The following RPGRIP1 variants were observed in gnomAD, a reference collection of about 807,000 sequenced individuals.
RPGRIP1 encodes X-linked retinitis pigmentosa GTPase regulator-interacting protein 1.
RPGRIP1 carries 128 observed loss-of-function variants against 157.9 expected under a neutral mutation model. That is an observed-to-expected ratio of 0.81 (90% CI 0.70 to 0.94). The LOEUF is 0.94. RPGRIP1 is among the 40% of genes least tolerant of loss of function. The pLI is 0.00. For synonymous variants in RPGRIP1, 554 were observed against 571.6 expected (o/e 0.97, Z 0.44); for missense variants, 1,486 against 1,545.8 (o/e 0.96, Z 0.65).
At chr14:21,286,474 G>C (rs1594368367) in intron 1 of RPGRIP1, among the ~76,000 whole-genome samples, 1 of 149,686 alleles carries the variant, frequency 6.7e-6, no homozygotes, top group South Asian at 2.1e-4. Flanking sequence ...GAGATATCTA[G>C]TAGCCATGCC....
At chr14:21,286,231 T>C (rs2139129967) in intron 1 of RPGRIP1, among the ~76,000 whole-genome samples, 3 of 151,828 alleles carry the variant, frequency 2.0e-5, no homozygotes, top group African/African-American at 7.3e-5. Context: ...CCTCGGGCGA[T>C]CCGCCCGCCT....
intron 11 of RPGRIP1, among the ~76,000 whole-genome samples, chr14:21,319,084 A>T (rs1311190921): frequency 6.6e-6 from 1 of 152,210 alleles, no homozygotes; most frequent in African/African-American, 2.4e-5. Context: ...ACGGAAGGAA[A>T]AGAAATGTGT....
At chr14:21,288,609 G>A (rs1880394000) in intron 2 of RPGRIP1, among the ~76,000 whole-genome samples, 1 of 151,636 alleles carries the variant, frequency 6.6e-6, no homozygotes. Context: ...ATGCCTCCCG[G>A]GTTCAAGCAG....
In RPGRIP1 at chr14:21,336,309, C is replaced by A. The variant is rs561712957; in HGVS notation, c.3339+1604C>A. ...CAGCACTTTGGGAAACTGAGGCAGG[C>A]AGATTGCTTGAGGCCAGGAATCAAG... On this transcript the variant is annotated intron_variant, in intron 21 of 24. Transcript: ENST00000400017. Among the ~76,000 whole-genome samples, 8 of 152,250 alleles carry A rather than the reference C, an allele frequency of 5.3e-5. No homozygotes were observed. The East Asian group carries it at 1.4e-3, about 26-fold the overall frequency.
At chr14:21,332,244 G>A (rs377252744) in intron 20 of RPGRIP1, among the ~76,000 whole-genome samples, 8 of 152,162 alleles carry the variant, frequency 5.3e-5, no homozygotes, top group African/African-American at 1.9e-4. Context: ...TGGCCTAAAA[G>A]TATAATTTTT....
In RPGRIP1 at chr14:21,302,502, C is replaced by A. The variant is rs1881075996; in HGVS notation, c.505C>A (p.Leu169Met). Residue 169 changes from leucine to methionine, a missense_variant, in exon 5 of 25, where the codon CTG becomes ATG. By Grantham distance (15) the Leu-to-Met change is conservative (BLOSUM62 2). Coordinates refer to ENST00000400017, the MANE Select transcript of RPGRIP1 (RefSeq NM_020366.4). ...TAAACTTTTAGGGCCAAGGGACAGG[C>A]TGAGCTACACAGCCCCTCCATCGTT... ...EKPKRGPRDR[L>M]SYTAPPSFKE... 7 of 1,564,460 alleles carry A rather than the reference C, an allele frequency of 4.5e-6. No homozygotes were observed. Among genetic ancestry groups the A allele is most frequent in the Non-Finnish European group, 5.2e-6 (6 of 1,149,570 alleles).
At chr14:21,312,390 A>G (rs1331780775) in intron 9 of RPGRIP1, 43 bp from the exon 10 acceptor site, 1 of 1,397,606 alleles carries the variant, frequency 7.2e-7, no homozygotes, top group South Asian at 1.3e-5. Context: ...GTGCAGGGGA[A>G]TAGATTTTAA....
In RPGRIP1 at chr14:21,317,772, GTCTC is replaced by G; in HGVS notation, c.1231_1234del (p.Gln412CysfsTer29). 1 of 1,599,154 alleles carries G rather than the reference GTCTC, an allele frequency of 6.3e-7. No individual in the cohort carries two copies. Among genetic ancestry groups the G allele is most frequent in the Middle Eastern group, 1.7e-4 (1 of 6,048 alleles). On this transcript the variant is annotated frameshift_variant, in exon 11 of 25. Transcript: ENST00000400017. LOFTEE classifies it high-confidence loss of function. ...CATAGCGGAACAGCTACAGCAGCAA[GTCTC>G]TCAGCTGCAGGATCAGCTGGATGCT...
intron 6 of RPGRIP1, among the ~76,000 whole-genome samples, chr14:21,304,050 C>T (rs1029163806): frequency 4.8e-4 from 72 of 150,808 alleles, no homozygotes; most frequent in Non-Finnish European, 5.9e-4. Flanking sequence ...CAGTGGCTCA[C>T]GCCTGTAATC....
rs368539913 is a variant in RPGRIP1, at chr14:21,315,803, A to ATTC, written c.1152-1891_1152-1890insCTT. The stretch of plus-strand genomic sequence containing the variant: ...TAAGTAGGTTATTATTATTATTATT[A>ATTC]TTATTTTTTTTTTGAGGCAGAGTCT... On this transcript the variant is annotated intron_variant, in intron 10 of 24. Coordinates refer to ENST00000400017, the MANE Select transcript of RPGRIP1 (RefSeq NM_020366.4). 1.2e-4 allele frequency among the ~76,000 whole-genome samples: 18 copies of ATTC among 147,420 alleles called. No individual in the cohort carries two copies. In the South Asian group the frequency reaches 3.8e-3, roughly 31 times the overall value.
At chr14:21,330,203 A>G in intron 19 of RPGRIP1, 46 bp from the exon 20 acceptor site, 1 of 1,399,438 alleles carries the variant, frequency 7.1e-7, no homozygotes, top group Non-Finnish European at 9.4e-7. Flanking sequence ...AAGAAAGAAA[A>G]CCAAGATATT....
Position 21,337,053 on chromosome 14 carries a change from A to G in RPGRIP1, c.3339+2348A>G, listed in dbSNP as rs556481685. On this transcript the variant is annotated intron_variant, in intron 21 of 24. Coordinates refer to ENST00000400017, the MANE Select transcript of RPGRIP1 (RefSeq NM_020366.4). Reference sequence around the variant, plus strand: ...TTGTTATATTCCAAAATGTCCAGGCATGAAAGGTAGAGGGGGTTGAAAGCT... The same window carrying G: ...TTGTTATATTCCAAAATGTCCAGGCGTGAAAGGTAGAGGGGGTTGAAAGCT... Among the ~76,000 whole-genome samples, 204 of 152,318 alleles carry G rather than the reference A, an allele frequency of 1.3e-3. 2 individuals carry two copies. Among genetic ancestry groups the G allele is most frequent in the African/African-American group, 4.8e-3 (201 of 41,576 alleles).
intron 21 of RPGRIP1, among the ~76,000 whole-genome samples, chr14:21,335,046 C>CAAAAAAA (rs869065591): frequency 6.8e-4 from 19 of 28,046 alleles, no homozygotes; most frequent in East Asian, 1.1e-3. Context: ...AACTCTGTCT[C>CAAAAAAA]AAAAAAAAAA....
At chr14:21,295,818 T>C (rs1880748890) in intron 3 of RPGRIP1, among the ~76,000 whole-genome samples, 2 of 152,240 alleles carry the variant, frequency 1.3e-5, no homozygotes, top group South Asian at 2.1e-4. Flanking sequence ...CTGTTTGGGC[T>C]GGAGTGCAGT....
At chr14:21,284,904 T>A (rs887262461) in intron 1 of RPGRIP1, among the ~76,000 whole-genome samples, 1 of 152,140 alleles carries the variant, frequency 6.6e-6, no homozygotes, top group African/African-American at 2.4e-5. Flanking sequence ...AAGAACAGAA[T>A]GCTTTAAGAA....
intron 2 of RPGRIP1, among the ~76,000 whole-genome samples, chr14:21,289,435 A>G (rs942089224): frequency 3.9e-5 from 6 of 152,124 alleles, no homozygotes; most frequent in Non-Finnish European, 8.8e-5. Flanking sequence ...TGAGCCCGGG[A>G]GTCCAAGATC....
At chr14:21,334,525 T>G in intron 20 of RPGRIP1, 80 bp from the exon 21 acceptor site, 1 of 914,598 alleles carries the variant, frequency 1.1e-6, no homozygotes, top group Non-Finnish European at 1.8e-6. Context: ...AGACAGTGGA[T>G]TGGAGATGTG....
chr14:21,320,537 C>T (rs1882316595), intron 12 of RPGRIP1, among the ~76,000 whole-genome samples: 1 of 151,604 alleles, frequency 6.6e-6, no homozygotes, highest in South Asian at 2.1e-4. Context: ...GTGATCCGCC[C>T]ACCTCGGCCT....
chr14:21,308,000 C>A (rs1194688637), intron 7 of RPGRIP1, among the ~76,000 whole-genome samples, 164 bp downstream of exon 7: 1 of 152,206 alleles, frequency 6.6e-6, no homozygotes, highest in Non-Finnish European at 1.5e-5. Context: ...AGCCTCACAA[C>A]TCGGAGTCTA....
Sources: allele counts gnomAD v4.1 joint callset (sites outside exome capture counted in the v4.1 genomes callset), GRCh38; gene constraint gnomAD v4.1.1; transcripts MANE v1.5; gene names NCBI Gene and HGNC (gene_info 2026-07-23, HGNC 2026-07-21).